The following EPHA5 variants were observed in gnomAD, a reference collection of about 807,000 sequenced individuals.
EPHA5 encodes ephrin type-A receptor 5.
In EPHA5, 60 loss-of-function variants were observed where a neutral mutation model predicts 105.0. That is an observed-to-expected ratio of 0.57 (90% CI 0.46 to 0.71). EPHA5 has a LOEUF of 0.71. Among genes scored for constraint, EPHA5 ranks in the 30% least tolerant of loss-of-function variants. The pLI, the probability that EPHA5 is intolerant of heterozygous loss-of-function variation, is 0.00. For missense variants in EPHA5, 1,218 were observed against 1,274.7 expected, an observed-to-expected ratio of 0.96 and a Z score of 0.68; for synonymous variants, 513 against 449.1, an observed-to-expected ratio of 1.14 and a Z score of -1.80.
intron 5 of EPHA5, among the ~76,000 whole-genome samples, chr4:65,484,086 T>C (rs886704561): frequency 2.0e-5 from 3 of 152,228 alleles, no homozygotes; most frequent in Non-Finnish European, 4.4e-5. Flanking sequence ...CTAAAGAGAA[T>C]CAACAAAGAC....
chr4:65,370,553 C>CA (rs1577940625), intron 8 of EPHA5, among the ~76,000 whole-genome samples: 1 of 151,994 alleles, frequency 6.6e-6, no homozygotes, highest in Non-Finnish European at 1.5e-5. Flanking sequence ...CTCCCACCTT[C>CA]AAAAAAATAA....
At chr4:65,491,795 ATTATT>A (rs1731428104) in intron 4 of EPHA5, among the ~76,000 whole-genome samples, 2 of 152,044 alleles carry the variant, frequency 1.3e-5, no homozygotes, top group Admixed American at 6.6e-5. Context: ...TTATTTGTAT[ATTATT>A]TTAATTATTC....
At chr4:65,412,207 C>T (rs1722976964) in intron 7 of EPHA5, among the ~76,000 whole-genome samples, 1 of 152,146 alleles carries the variant, frequency 6.6e-6, no homozygotes, top group African/African-American at 2.4e-5. Context: ...CAGTCTGGGC[C>T]ATAGAGTGAG....
chr4:65,652,051 T>C (rs1297637894), intron 1 of EPHA5, among the ~76,000 whole-genome samples: 6 of 152,196 alleles, frequency 3.9e-5, no homozygotes, highest in Admixed American at 1.3e-4. Flanking sequence ...ATCTTACATA[T>C]TGTTTTTATT....
intron 2 of EPHA5, among the ~76,000 whole-genome samples, chr4:65,619,605 C>T (rs941978614): frequency 6.6e-6 from 1 of 151,976 alleles, no homozygotes; most frequent in South Asian, 2.1e-4. Context: ...GACTGGTGTA[C>T]TTTTTTTCTC....
In EPHA5 at chr4:65,475,696, A is replaced by G. The variant is rs945887206; in HGVS notation, c.1402+14681T>C. 7.9e-5 allele frequency among the ~76,000 whole-genome samples: 12 copies of G among 152,292 alleles called. No individual in the cohort carries two copies. In the East Asian group the frequency reaches 1.9e-3, roughly 25 times the overall value. ...ATGAGAAGAATGATTGAACAGTTCA[A>G]TAACTGAGCTGCTCTGATTATGAGC... On this transcript the variant is annotated intron_variant, in intron 5 of 16. Transcript: ENST00000613740.
chr4:65,319,657 G>A lies in EPHA5; in HGVS notation c.*4457C>T, dbSNP rs559544354. 4.5e-5 allele frequency: 10 copies of A among 221,992 alleles called. No homozygotes were observed. The South Asian group carries it at 1.8e-3, about 41-fold the overall frequency. 13.8% of individuals were successfully genotyped at this position (221,992 alleles called of 1,614,324 possible). A position where few individuals can be genotyped will look rare whatever the true frequency, so the allele number is the denominator to read the frequency against. On this transcript the variant is annotated 3_prime_UTR_variant, in exon 17 of 17. Transcript: ENST00000613740. Reference sequence around the variant, plus strand: ...TGTACACAAACCAAATGCACATAAAGATTCAAATGAGAAAAAATACAGAAA... The same window carrying A: ...TGTACACAAACCAAATGCACATAAAAATTCAAATGAGAAAAAATACAGAAA...
intron 1 of EPHA5, among the ~76,000 whole-genome samples, chr4:65,647,154 C>G (rs1422972509): frequency 6.6e-6 from 1 of 151,584 alleles, no homozygotes; most frequent in Non-Finnish European, 1.5e-5. Flanking sequence ...CGGTGAAACC[C>G]CATCTCTACT....
intron 5 of EPHA5, among the ~76,000 whole-genome samples, chr4:65,440,002 A>G (rs1196989180): frequency 1.3e-5 from 2 of 152,070 alleles, no homozygotes; most frequent in Non-Finnish European, 2.9e-5. Context: ...TTATATCCTA[A>G]TTATCAGAAA....
chr4:65,353,423 TATG>T (rs888278734), intron 11 of EPHA5, among the ~76,000 whole-genome samples: 7 of 150,744 alleles, frequency 4.6e-5, no homozygotes, highest in East Asian at 1.9e-4. Flanking sequence ...TAATTCCTGA[TATG>T]ATGATATCTT....
At chr4:65,413,210 T>A (rs2149015148) in intron 7 of EPHA5, among the ~76,000 whole-genome samples, 1 of 152,250 alleles carries the variant, frequency 6.6e-6, no homozygotes, top group East Asian at 1.9e-4. Flanking sequence ...GAAGTTCAAA[T>A]TTCAGTAGCT....
At chr4:65,416,767 A>G (rs924700926) in intron 6 of EPHA5, among the ~76,000 whole-genome samples, 3 of 152,198 alleles carry the variant, frequency 2.0e-5, no homozygotes, top group Non-Finnish European at 2.9e-5. Context: ...TTTGCCATAC[A>G]TAAGTTATTG....
rs558939903 is a variant in EPHA5, at chr4:65,351,662, T to A, written c.2236-64A>T. On this transcript the variant is annotated intron_variant, in intron 12 of 16. Coordinates refer to ENST00000613740, the MANE Select transcript of EPHA5 (RefSeq NM_001281766.3). ...AATCACTGGGGGAAAATATGAGAGG[T>A]CTGTATTCAATCCCCCAAATTGATA... 16 of 1,441,202 alleles carry A rather than the reference T, an allele frequency of 1.1e-5. No homozygotes were observed. In the African/African-American group the frequency reaches 2.1e-4, roughly 19 times the overall value. The allele number at this position is 1,441,202 out of a possible 1,614,324, so 89.3% of individuals were successfully genotyped here.
chr4:65,333,234 G>T (rs563253316), intron 15 of EPHA5, among the ~76,000 whole-genome samples: 1 of 151,452 alleles, frequency 6.6e-6, no homozygotes, highest in Non-Finnish European at 1.5e-5. Flanking sequence ...TAAGTAAATT[G>T]CAACTATAAG....
intron 3 of EPHA5, among the ~76,000 whole-genome samples, chr4:65,522,547 G>A (rs1471721887): frequency 6.6e-6 from 1 of 151,868 alleles, no homozygotes; most frequent in African/African-American, 2.4e-5. Flanking sequence ...CATATAATCT[G>A]AAGTCTGTGG....
chr4:65,517,318 T>A (rs1213190407), intron 3 of EPHA5, among the ~76,000 whole-genome samples: 1 of 151,868 alleles, frequency 6.6e-6, no homozygotes, highest in South Asian at 2.1e-4. Context: ...TTGCTTGGTA[T>A]GTTTTTATTC....
intron 3 of EPHA5, among the ~76,000 whole-genome samples, chr4:65,537,477 A>G (rs770257028): frequency 1.3e-5 from 2 of 151,824 alleles, no homozygotes; most frequent in Non-Finnish European, 3.0e-5. Context: ...ATACTTCAAA[A>G]TAAACTAAAT....
At chr4:65,333,539 C>CTGTGTGTGTGTG (rs56925203) in intron 15 of EPHA5, among the ~76,000 whole-genome samples, 3 of 111,838 alleles carry the variant, frequency 2.7e-5, no homozygotes, top group African/African-American at 1.2e-4. Flanking sequence ...GAGTGTGTGT[C>CTGTGTGTGTGTG]TGTGTGTGTG....
chr4:65,606,167 T>A (rs1744209801), intron 2 of EPHA5, among the ~76,000 whole-genome samples: 1 of 151,844 alleles, frequency 6.6e-6, no homozygotes, highest in Admixed American at 6.6e-5. Context: ...TCAATAAGTC[T>A]TTTTTTTCTT....
Sources: gnomAD v4.1 joint callset for allele counts (sites outside exome capture counted in the v4.1 genomes callset) on GRCh38, gnomAD v4.1.1 for gene constraint, MANE v1.5 for transcripts, NCBI Gene and HGNC (gene_info 2026-07-23, HGNC 2026-07-21) for gene names.